KLF8: variants seen among roughly 807,000 people sequenced by gnomAD.
KLF8 encodes the protein Krueppel-like factor 8.
In KLF8, 10 loss-of-function variants were observed where a neutral mutation model predicts 18.2. The observed-to-expected ratio is 0.55, with a 90% confidence interval of 0.34 to 0.93. The LOEUF is 0.93. Among genes scored for constraint, KLF8 ranks in the 40% least tolerant of loss-of-function variants. KLF8 has a pLI of 0.02. For missense variants in KLF8, 264 were observed against 277.9 expected (o/e 0.95, Z 0.36); for synonymous variants, 109 against 97.3 (o/e 1.12, Z -0.71).
chrX:56,264,217 AG>A (rs769938159), intron 2 of KLF8, among the ~76,000 whole-genome samples: 1 of 110,856 alleles, frequency 9.0e-6, no homozygotes, highest in Non-Finnish European at 1.9e-5. Flanking sequence ...AATTAGGTTG[AG>A]GCTTTATTTC....
chrX:56,213,211 C>T, the KLF8 span, among the ~76,000 whole-genome samples: 2 of 108,891 alleles, frequency 1.8e-5, no homozygotes, highest in Non-Finnish European at 3.8e-5. Context: ...GTAACTCTAC[C>T]ATTACTAGTT....
At chrX:55,972,057 G>A in the KLF8 span, among the ~76,000 whole-genome samples, 46 of 110,874 alleles carry the variant, frequency 4.1e-4, 1 homozygote, top group South Asian at 0.017. Flanking sequence ...CCAAAAGAAA[G>A]GAAATCAGTA....
At chrX:56,183,855 G>A in the KLF8 span, among the ~76,000 whole-genome samples, 1 of 111,205 alleles carries the variant, frequency 9.0e-6, no homozygotes, top group African/African-American at 3.3e-5. Context: ...ACAGAAAACG[G>A]CTCAATGGAT....
At chrX:56,174,202 TG>T in the KLF8 span, among the ~76,000 whole-genome samples, 3 of 112,057 alleles carry the variant, frequency 2.7e-5, no homozygotes, top group African/African-American at 9.7e-5. Flanking sequence ...TTCCAGTTTT[TG>T]CCCATTCAGT....
At chrX:56,153,695 C>G in the KLF8 span, among the ~76,000 whole-genome samples, 1 of 110,998 alleles carries the variant, frequency 9.0e-6, no homozygotes, top group Non-Finnish European at 1.9e-5. Context: ...TGTCTCAGCC[C>G]AAAATCTCCT....
chrX:56,030,075 G>T, the KLF8 span, among the ~76,000 whole-genome samples: 1 of 112,522 alleles, frequency 8.9e-6, no homozygotes, highest in African/African-American at 3.2e-5. Context: ...GGATTGAAAG[G>T]AATGTACATA....
chrX:56,265,375 A>G lies in KLF8; in HGVS notation c.277A>G (p.Lys93Glu). Residue 93 changes from lysine (K) to glutamate (E), a missense_variant, in exon 3 of 6, where the codon AAG (lysine) becomes GAG (glutamate). Physicochemically the swap from Lys to Glu is moderately conservative, Grantham distance 56 (BLOSUM62 1). This residue lies in a region of KLF8 where 221 missense variants were observed against 193.6 expected (regional missense o/e 1.14). Coordinates refer to ENST00000468660, the MANE Select transcript of KLF8 (RefSeq NM_007250.5). ...GGAACCAGTTGACCTCTCCTTTCAC[A>G]AGCCCAAGGCTCCTCTCCAGCCTGC... ...QVEPVDLSFHKPKAPLQPASM... is the reference protein window; with the variant it reads ...QVEPVDLSFHEPKAPLQPASM... 1 of 1,210,720 alleles carries G rather than the reference A, an allele frequency of 8.3e-7. No homozygotes were observed. Among genetic ancestry groups the G allele is most frequent in the Non-Finnish European group, 1.1e-6 (1 of 895,113 alleles).
At chrX:55,971,471 A>G in the KLF8 span, among the ~76,000 whole-genome samples, 2 of 111,226 alleles carry the variant, frequency 1.8e-5, no homozygotes, top group Admixed American at 9.6e-5. Context: ...ACAAGAAAAC[A>G]TTGAGGAAAC....
At position 56,287,077 on chromosome X, in the gene KLF8, A is replaced by T. The variant is rs954857376; in HGVS notation, c.*2583A>T. ...CATTGAGACATATGATCTATTTATA[A>T]ATAAAGGTTATCAAATATCTTGTTG... On this transcript the variant is annotated 3_prime_UTR_variant, in exon 6 of 6. Transcript: ENST00000468660. The T allele has an allele frequency of 8.0e-5, 9 of 112,024 alleles. No homozygotes were observed. Among genetic ancestry groups the T allele is most frequent in the African/African-American group, 2.9e-4 (9 of 30,846 alleles). The allele number at this position is 112,024 out of a possible 1,213,427, so 9.2% of individuals were successfully genotyped here.
intron 5 of KLF8, among the ~76,000 whole-genome samples, chrX:56,282,648 C>T (rs1404620063): frequency 9.0e-6 from 1 of 111,552 alleles, no homozygotes; most frequent in Non-Finnish European, 1.9e-5. Flanking sequence ...ATTAAATGCC[C>T]TAGGTAATTT....
At chrX:55,956,427 T>A in the KLF8 span, among the ~76,000 whole-genome samples, 1 of 111,294 alleles carries the variant, frequency 9.0e-6, no homozygotes. Context: ...AAAAGTGAGA[T>A]TACTAAATTA....
chrX:56,135,014 G>T, the KLF8 span, among the ~76,000 whole-genome samples: 1 of 110,855 alleles, frequency 9.0e-6, no homozygotes, highest in Non-Finnish European at 1.9e-5. Flanking sequence ...TACCACGAAG[G>T]CCTCACAAAA....
At chrX:56,051,451 T>A in the KLF8 span, among the ~76,000 whole-genome samples, 1 of 110,969 alleles carries the variant, frequency 9.0e-6, no homozygotes, top group South Asian at 3.9e-4. Flanking sequence ...GGAGCTCTTG[T>A]AAGGCAGGCC....
At chrX:56,276,554 C>T (rs959310668) in intron 5 of KLF8, among the ~76,000 whole-genome samples, 21 of 111,699 alleles carry the variant, frequency 1.9e-4, no homozygotes, top group African/African-American at 6.8e-4. Flanking sequence ...TTCCCTTCAG[C>T]ATCTTAAATA....
At chrX:56,116,634 GAT>G in the KLF8 span, among the ~76,000 whole-genome samples, 7,298 of 77,766 alleles carry the variant, frequency 0.094, 284 homozygotes, top group South Asian at 0.12. Context: ...ATGATGTTCT[GAT>G]ATATATATAT....
the KLF8 span, among the ~76,000 whole-genome samples, chrX:56,221,461 G>C: frequency 3.0e-3 from 337 of 112,092 alleles, 4 homozygotes; most frequent in South Asian, 0.015. Context: ...GTGGGTTCTT[G>C]GTCTCACTGA....
the KLF8 span, among the ~76,000 whole-genome samples, chrX:56,007,808 A>G: frequency 4.5e-5 from 5 of 111,454 alleles, no homozygotes; most frequent in Non-Finnish European, 1.9e-5. Flanking sequence ...ATCATTTTAA[A>G]GTTTGTGATA....
the KLF8 span, among the ~76,000 whole-genome samples, chrX:56,138,445 G>A: frequency 9.0e-6 from 1 of 111,490 alleles, no homozygotes; most frequent in Admixed American, 9.6e-5. Context: ...AAATCCAGCA[G>A]CTACATCACA....
chrX:55,936,960 C>A, the KLF8 span, among the ~76,000 whole-genome samples: 1 of 112,182 alleles, frequency 8.9e-6, no homozygotes, highest in African/African-American at 3.2e-5. Context: ...AGGGCACAGA[C>A]AAACGAAATG....
Sources: gnomAD v4.1 joint callset for allele counts (sites outside exome capture counted in the v4.1 genomes callset) on GRCh38, gnomAD v4.1.1 for gene constraint, gnomAD v4.1.1 regional missense constraint, MANE v1.5 for transcripts, NCBI Gene and HGNC (gene_info 2026-07-23, HGNC 2026-07-21) for gene names.